Variants in SRP68 observed in about 807,000 individuals in gnomAD.
The protein encoded by SRP68 is signal recognition particle subunit SRP68.
Under a neutral mutation model 82.2 loss-of-function variants are expected in SRP68, and 15 were observed. The ratio of observed to expected loss-of-function variants is 0.18; its 90% CI spans 0.12 to 0.28. The LOEUF (loss-of-function observed/expected upper bound fraction) is 0.28, where lower values mean the gene tolerates loss of function less well. Ranked by LOEUF, SRP68 falls within the 10% of genes least tolerant of loss-of-function variation. The pLI is 1.00. For missense variants in SRP68, 595 were observed against 780.5 expected (o/e 0.76, Z 2.83); for synonymous variants, 261 against 292.6 (o/e 0.89, Z 1.10).
rs999658128 is a variant in SRP68 at position 76,044,026 on chromosome 17, C to A, written c.1395-68G>T. 1.3e-5 allele frequency: 20 copies of A among 1,535,104 alleles called. No individual in the cohort carries two copies. The East Asian group carries it at 2.6e-4, about 20-fold the overall frequency. Reference sequence around the variant, plus strand: ...TTACCCAAGACCAAGGCTTTCCTTGCAGTTTAGGCGAAATTTCACATTTGG... The same window carrying A: ...TTACCCAAGACCAAGGCTTTCCTTGAAGTTTAGGCGAAATTTCACATTTGG... On this transcript the variant is annotated intron_variant, in intron 12 of 15. Coordinates refer to ENST00000307877, the MANE Select transcript of SRP68 (RefSeq NM_014230.4).
intron 8 of SRP68, among the ~76,000 whole-genome samples, chr17:76,056,962 G>A (rs2066717865): frequency 6.6e-6 from 1 of 152,182 alleles, no homozygotes; most frequent in Non-Finnish European, 1.5e-5. Flanking sequence ...AATATTACAT[G>A]TACACCGCAC....
At chr17:76,051,665 A>G (rs1445308017) in intron 8 of SRP68, among the ~76,000 whole-genome samples, 1 of 152,182 alleles carries the variant, frequency 6.6e-6, no homozygotes, top group African/African-American at 2.4e-5. Context: ...AACTTACCCA[A>G]TACAAATCAA....
At position 76,039,264 on chromosome 17, in the gene SRP68, A is replaced by G. The variant is rs1289386007; in HGVS notation, c.*442T>C. The G allele has an allele frequency of 2.2e-6, 1 of 448,914 alleles. No individual in the cohort carries two copies. The highest frequency in any genetic ancestry group is 4.5e-6 in the Non-Finnish European group (1 of 221,490). The allele number at this position is 448,914 out of a possible 1,614,324, so 27.8% of individuals were successfully genotyped here. A position where few individuals can be genotyped will look rare whatever the true frequency, so the allele number is the denominator to read the frequency against. ...ACCGTAATTCTGGGGTGACGTTGCC[A>G]GTTTCATAGTCATAGATAAACTTCT... is the stretch of plus-strand genomic sequence containing the variant. On this transcript the variant is annotated 3_prime_UTR_variant, in exon 16 of 16. Coordinates refer to ENST00000307877, the MANE Select transcript of SRP68 (RefSeq NM_014230.4).
chr17:76,072,276 A>G lies in SRP68; in HGVS notation c.184+32T>C, dbSNP rs2066859091. 6.2e-7 allele frequency: 1 copy of G among 1,604,630 alleles called. No individual in the cohort carries two copies. Among genetic ancestry groups the G allele is most frequent in the East Asian group, 2.3e-5 (1 of 43,410 alleles). Reference sequence around the variant, plus strand: ...CAGCCCTCCAGTTCGACACGTAATCATTGCGAGTTAGGCCCGATTACTCTA... The same window carrying G: ...CAGCCCTCCAGTTCGACACGTAATCGTTGCGAGTTAGGCCCGATTACTCTA... On this transcript the variant is annotated intron_variant, in intron 1 of 15. Transcript: ENST00000307877. The surrounding 1 kb of genome is among the most constrained non-coding windows in gnomAD (Gnocchi z 4.5).
Position 76,072,115 on chromosome 17 carries a change from G to T in SRP68, c.184+193C>A. ...GAAACGGACCTAGCCAGGACGGCGA[G>T]GGGGACACGAGGAAAGACTAGTCGA... On this transcript the variant is annotated intron_variant, in intron 1 of 15. Coordinates refer to ENST00000307877, the MANE Select transcript of SRP68 (RefSeq NM_014230.4). This position sits in a 1 kb window ranked among gnomAD's most constrained non-coding sequence, Gnocchi z 4.5. The T allele has an allele frequency of 9.0e-7, 1 of 1,113,790 alleles. No homozygotes were observed. The highest frequency in any genetic ancestry group is 2.6e-5 in the East Asian group (1 of 39,036). 69.0% of individuals were successfully genotyped at this position (1,113,790 alleles called of 1,614,324 possible).
chr17:76,061,200 C>T lies in SRP68; in HGVS notation c.664G>A (p.Ala222Thr). The part of the protein sequence containing the change: ...NKCKTIYEKL[A>T]SAFTEEQAVL... ...GCCTGCTCCTCTGTGAAAGCACTGG[C>T]TAGCTTCTCATAGATAGTTCTGCGA... The change falls in exon 6 of 16, where the codon GCC becomes ACC. Residue 222 changes from alanine to threonine, a missense_variant. This residue lies in a region of SRP68 where 495 missense variants were observed against 688.6 expected (regional missense o/e 0.72). Transcript: ENST00000307877. The T allele has an allele frequency of 6.2e-7, 1 of 1,613,222 alleles. No homozygotes were observed. Among genetic ancestry groups the T allele is most frequent in the Non-Finnish European group, 8.5e-7 (1 of 1,179,290 alleles).
chr17:76,063,925 T>C (rs768128993), intron 4 of SRP68, 51 bp downstream of exon 4: 11 of 1,506,108 alleles, frequency 7.3e-6, no homozygotes, highest in Non-Finnish European at 9.1e-6. Flanking sequence ...TGCAGCTTTT[T>C]AAAATGTCTT....
At chr17:76,046,330 T>C in intron 10 of SRP68, 136 bp from the exon 11 acceptor site, 1 of 987,912 alleles carries the variant, frequency 1.0e-6, no homozygotes, top group Non-Finnish European at 1.5e-6. Flanking sequence ...CCATTTGGCT[T>C]GGGCTTCAAG....
At chr17:76,049,550 C>G (rs2066656657) in intron 9 of SRP68, 1 of 152,154 alleles carries the variant, frequency 6.6e-6, no homozygotes, top group South Asian at 2.1e-4. Context: ...AGGCTGGGAA[C>G]AGACTAAGGA....
chr17:76,050,328 C>T lies in SRP68; in HGVS notation c.1077+100G>A, dbSNP rs951683349. Reference sequence around the variant, plus strand: ...AAACAAAAACGAAACAGTGGCCAAGCGAGCAGTGCACTCAGAGCACTGGGG... The same window carrying T: ...AAACAAAAACGAAACAGTGGCCAAGTGAGCAGTGCACTCAGAGCACTGGGG... On this transcript the variant is annotated intron_variant, in intron 9 of 15. Transcript: ENST00000307877. 1.9e-5 allele frequency: 15 copies of T among 805,108 alleles called. No homozygotes were observed. In the African/African-American group the frequency reaches 2.1e-4, roughly 11 times the overall value. 49.9% of individuals were successfully genotyped at this position (805,108 alleles called of 1,614,324 possible).
At chr17:76,053,459 G>C in intron 8 of SRP68, 1 of 985,372 alleles carries the variant, frequency 1.0e-6, no homozygotes, top group African/African-American at 1.7e-5. Flanking sequence ...CAGCTACACA[G>C]GATTTGCCTC....
At chr17:76,061,252 G>A (rs2066750269) in intron 5 of SRP68, 33 bp from the exon 6 acceptor site, 7 of 1,450,662 alleles carry the variant, frequency 4.8e-6, no homozygotes, top group Non-Finnish European at 5.8e-6. Context: ...TTTTACATCA[G>A]CCTTATATAA....
chr17:76,055,298 T>C (rs561204300), intron 8 of SRP68, among the ~76,000 whole-genome samples: 1 of 152,104 alleles, frequency 6.6e-6, no homozygotes, highest in East Asian at 1.9e-4. Flanking sequence ...AAATTAAATT[T>C]CAATAGTTTT....
In SRP68 at chr17:76,069,312, C is replaced by T. The variant is rs567229188; in HGVS notation, c.251+1066G>A. ...CTGAGGCAGGAGAACTGCTTGAACC[C>T]GGAAGGCGGAGGTTGCAGTACACCG... On this transcript the variant is annotated intron_variant, in intron 2 of 15. Coordinates refer to ENST00000307877, the MANE Select transcript of SRP68 (RefSeq NM_014230.4). Among the ~76,000 whole-genome samples the T allele has an allele frequency of 5.3e-5, 8 of 151,954 alleles. No homozygotes were observed. The East Asian group carries it at 7.7e-4, about 15-fold the overall frequency.
intron 9 of SRP68, 149 bp downstream of exon 9, chr17:76,050,279 C>G: frequency 3.5e-6 from 2 of 574,352 alleles, no homozygotes; most frequent in Non-Finnish European, 6.3e-6. Context: ...CCCTTGTTTG[C>G]TCCCTTACGA....
chr17:76,070,643 C>T (rs2066844122), intron 1 of SRP68, among the ~76,000 whole-genome samples, 199 bp from the exon 2 acceptor site: 1 of 152,108 alleles, frequency 6.6e-6, no homozygotes, highest in Admixed American at 6.5e-5. Flanking sequence ...GAGTTCAAGA[C>T]CAGCCTGGCC....
chr17:76,070,879 C>A (rs1404883699), intron 1 of SRP68, among the ~76,000 whole-genome samples: 1 of 150,280 alleles, frequency 6.7e-6, no homozygotes, highest in Non-Finnish European at 1.5e-5. Flanking sequence ...CACACACACA[C>A]AAATTTGTGA....
At chr17:76,055,964 G>A (rs182544977) in intron 8 of SRP68, among the ~76,000 whole-genome samples, 202 of 151,486 alleles carry the variant, frequency 1.3e-3, no homozygotes, top group African/African-American at 4.6e-3. Context: ...ACGCCACCAC[G>A]CCCAGCTAAA....
intron 8 of SRP68, among the ~76,000 whole-genome samples, chr17:76,057,192 C>G (rs925367314): frequency 3.3e-5 from 5 of 152,202 alleles, no homozygotes; most frequent in African/African-American, 1.2e-4. Flanking sequence ...CTGTCAATTT[C>G]TTTGCCCTCT....
Sources: allele counts gnomAD v4.1 joint callset (sites outside exome capture counted in the v4.1 genomes callset), GRCh38; gene constraint gnomAD v4.1.1; regional missense constraint gnomAD v4.1.1; non-coding constraint Gnocchi (gnomAD v3.1); transcripts MANE v1.5; gene names NCBI Gene and HGNC (gene_info 2026-07-23, HGNC 2026-07-21).